TRPS1: variants seen among roughly 807,000 people sequenced by gnomAD.
The protein encoded by TRPS1 is transcriptional repressor GATA binding 1, also known as zinc finger transcription factor Trps1.
A neutral mutation model predicts 101.2 loss-of-function variants in TRPS1; 6 were observed. The observed-to-expected ratio is 0.06, with a 90% CI of 0.03 to 0.12. The LOEUF is 0.12. TRPS1 is among the 10% of genes least tolerant of loss of function. TRPS1 has a pLI of 1.00. For missense variants in TRPS1, 1,363 were observed against 1,567.0 expected (o/e 0.87, Z 2.20); for synonymous variants, 578 against 589.8 (o/e 0.98, Z 0.29).
chr8:115,429,338 A>G (rs906485812), intron 5 of TRPS1, among the ~76,000 whole-genome samples: 28 of 152,328 alleles, frequency 1.8e-4, no homozygotes, highest in African/African-American at 6.7e-4. Context: ...CAGCTGCTCA[A>G]GAAGAAAGCA....
chr8:115,417,446 A>G (rs949096334), intron 6 of TRPS1, among the ~76,000 whole-genome samples: 1 of 152,170 alleles, frequency 6.6e-6, no homozygotes, highest in African/African-American at 2.4e-5. Context: ...GCTAAGAGCT[A>G]TGGTAAAACG....
At chr8:115,578,658 C>T (rs974891479) in intron 5 of TRPS1, among the ~76,000 whole-genome samples, 2 of 151,854 alleles carry the variant, frequency 1.3e-5, no homozygotes, top group African/African-American at 2.4e-5. Context: ...CAGGGAGGTA[C>T]ATGATCCTAT....
chr8:115,544,469 G>A (rs941205723), intron 5 of TRPS1, among the ~76,000 whole-genome samples: 1 of 151,960 alleles, frequency 6.6e-6, no homozygotes, highest in Admixed American at 6.6e-5. Context: ...TGAGGATGTT[G>A]CTAGAGCTAT....
chr8:115,503,675 G>C (rs551872106), intron 5 of TRPS1, among the ~76,000 whole-genome samples: 16 of 152,146 alleles, frequency 1.1e-4, no homozygotes, highest in Non-Finnish European at 1.9e-4. Context: ...AAAACTAAGA[G>C]TTTAAAAATA....
chr8:115,494,674 G>T (rs901051688), intron 5 of TRPS1, among the ~76,000 whole-genome samples: 18 of 152,204 alleles, frequency 1.2e-4, no homozygotes, highest in Middle Eastern at 3.4e-3. Context: ...TGGAATAATA[G>T]AAATGGTTTA....
chr8:115,488,245 AC>A (rs2130091535), intron 5 of TRPS1, among the ~76,000 whole-genome samples: 1 of 152,252 alleles, frequency 6.6e-6, no homozygotes, highest in East Asian at 1.9e-4. Context: ...GCTATTGTAT[AC>A]TTAGTACACT....
At chr8:115,635,113 G>A (rs1818738684) in intron 1 of TRPS1, among the ~76,000 whole-genome samples, 1 of 152,182 alleles carries the variant, frequency 6.6e-6, no homozygotes, top group Non-Finnish European at 1.5e-5. Context: ...CACTGTTCAA[G>A]AATATTTTCT....
At chr8:115,457,043 C>T (rs1036197645) in intron 5 of TRPS1, among the ~76,000 whole-genome samples, 1 of 151,938 alleles carries the variant, frequency 6.6e-6, no homozygotes, top group African/African-American at 2.4e-5. Context: ...TGTTTATAGT[C>T]AAGTGAGGTA....
rs915892219 is a variant in TRPS1 at position 115,418,869 on chromosome 8, G to T, written c.2701-417C>A. Among the ~76,000 whole-genome samples, 3 of 152,148 alleles carry T rather than the reference G, an allele frequency of 2.0e-5. No homozygotes were observed. Among genetic ancestry groups the T allele is most frequent in the African/African-American group, 7.2e-5 (3 of 41,426 alleles). On this transcript the variant is annotated intron_variant, in intron 5 of 6. Transcript: ENST00000395715. This position sits in a 1 kb window ranked among gnomAD's most constrained non-coding sequence, Gnocchi z 4.3. ...GAGCTTTAAAATATAGTCAAGTTTGGAATAAATGTAAATCATTTAAAATTA... is the reference window on the plus strand; with the variant it reads ...GAGCTTTAAAATATAGTCAAGTTTGTAATAAATGTAAATCATTTAAAATTA...
chr8:115,667,968 C>A (rs1415160033), intron 1 of TRPS1: 5 of 1,439,708 alleles, frequency 3.5e-6, no homozygotes, highest in Non-Finnish European at 4.7e-6. Context: ...TCGGGTCCAA[C>A]CACCTCCAGC....
At chr8:115,497,056 G>C (rs1428371196) in intron 5 of TRPS1, among the ~76,000 whole-genome samples, 1 of 152,144 alleles carries the variant, frequency 6.6e-6, no homozygotes, top group Non-Finnish European at 1.5e-5. Context: ...AAAAATATGG[G>C]AATCAAATAT....
At position 115,667,810 on chromosome 8, in the gene TRPS1, T is replaced by C. The variant is rs909490784; in HGVS notation, c.-122+735A>G. The C allele has an allele frequency of 3.3e-6, 5 of 1,532,360 alleles. No individual in the cohort carries two copies. The African/African-American group carries it at 5.5e-5, about 17-fold the overall frequency. The allele number at this position is 1,532,360 out of a possible 1,614,324, so 94.9% of individuals were successfully genotyped here. A position where few individuals can be genotyped will look rare whatever the true frequency, so the allele number is the denominator to read the frequency against. Reference sequence around the variant, plus strand: ...GGCAGTCCTGTGCTGTTTTCCCACTTTGGAGACCATACGGAGGCCCGTCTC... The same window carrying C: ...GGCAGTCCTGTGCTGTTTTCCCACTCTGGAGACCATACGGAGGCCCGTCTC... On this transcript the variant is annotated intron_variant, in intron 1 of 6. Transcript: ENST00000395715.
intron 1 of TRPS1, among the ~76,000 whole-genome samples, chr8:115,662,311 T>G (rs1332751996): frequency 6.6e-6 from 1 of 151,950 alleles, no homozygotes; most frequent in East Asian, 1.9e-4. Flanking sequence ...ACTATATATA[T>G]TATTCCTTAA....
At position 115,619,622 on chromosome 8, in the gene TRPS1, T is replaced by C; in HGVS notation, c.476A>G (p.Asp159Gly). 1 of 1,614,142 alleles carries C rather than the reference T, an allele frequency of 6.2e-7. No homozygotes were observed. The highest frequency in any genetic ancestry group is 8.5e-7 in the Non-Finnish European group (1 of 1,180,030). ...PQDMACTPSGDSLETKEDQKM... is the reference protein window; with the variant it reads ...PQDMACTPSGGSLETKEDQKM... ...CTGATCTTCCTTTGTCTCCAGTGAG[T>C]CCCCTGAGGGGGTGCAGGCCATATC... The change falls in exon 3 of 7, where the codon GAC becomes GGC. Residue 159 changes from aspartate to glycine, a missense_variant. Physicochemically the swap from Asp to Gly is moderately conservative, Grantham distance 94. Coordinates refer to ENST00000395715, the MANE Select transcript of TRPS1 (RefSeq NM_014112.5).
At chr8:115,475,865 A>AG (rs907422829) in intron 5 of TRPS1, among the ~76,000 whole-genome samples, 6 of 152,340 alleles carry the variant, frequency 3.9e-5, no homozygotes, top group African/African-American at 1.2e-4. Context: ...GATAAGTTCT[A>AG]GCTCAATAAA....
At chr8:115,487,398 C>T in intron 5 of TRPS1, among the ~76,000 whole-genome samples, 1 of 47,848 alleles carries the variant, frequency 2.1e-5, no homozygotes, top group Admixed American at 1.6e-4. Context: ...AGCCTGTGGA[C>T]CCCAGGAGTA....
chr8:115,595,269 G>A (rs182794480), intron 4 of TRPS1, among the ~76,000 whole-genome samples: 30 of 152,074 alleles, frequency 2.0e-4, no homozygotes, highest in Admixed American at 1.8e-3. Flanking sequence ...TGTCTACAAT[G>A]AGTGGCATGT....
chr8:115,518,826 T>G (rs1005041291), intron 5 of TRPS1, among the ~76,000 whole-genome samples: 16 of 151,830 alleles, frequency 1.1e-4, no homozygotes, highest in African/African-American at 3.9e-4. Flanking sequence ...CATCAGAAAT[T>G]TAAACTTCTT....
chr8:115,467,387 G>A (rs1814349290), intron 5 of TRPS1, among the ~76,000 whole-genome samples: 1 of 151,460 alleles, frequency 6.6e-6, no homozygotes, highest in African/African-American at 2.4e-5. Context: ...GTACTGAGGT[G>A]TGAATGGAGG....
Sources: gnomAD v4.1 joint callset for allele counts (sites outside exome capture counted in the v4.1 genomes callset) on GRCh38, gnomAD v4.1.1 for gene constraint, Gnocchi (gnomAD v3.1) non-coding constraint, MANE v1.5 for transcripts, NCBI Gene and HGNC (gene_info 2026-07-23, HGNC 2026-07-21) for gene names.